TRIM21: variants seen among roughly 807,000 people sequenced by gnomAD.
TRIM21 encodes E3 ubiquitin-protein ligase TRIM21.
Under a neutral mutation model 36.1 loss-of-function variants are expected in TRIM21, and 35 were observed. That is an observed-to-expected ratio of 0.97 (90% CI 0.74 to 1.28). The LOEUF is 1.28. TRIM21 is among the 50% of genes most tolerant of loss of function. The pLI is 0.00. For synonymous variants in TRIM21, 256 were observed against 211.5 expected (o/e 1.21, Z -1.83); for missense variants, 635 against 570.7 (o/e 1.11, Z -1.15).
In TRIM21 at chr11:4,388,469, A is replaced by T; in HGVS notation, c.566T>A (p.Leu189Gln). The change falls in exon 4 of 7, where the codon CTG (leucine) becomes CAG (glutamine). Residue 189 changes from leucine (L) to glutamine (Q), a missense_variant. Coordinates refer to ENST00000254436, the MANE Select transcript of TRIM21 (RefSeq NM_003141.4). ...HAEFVQQKNF[L>Q]VEEEQRQLQE... Reference sequence around the variant, plus strand: ...CAGCTGCCTCTGTTCTTCTTCAACCAGGAAGTTTTTTTGCTGCACAAACTC... The same window carrying T: ...CAGCTGCCTCTGTTCTTCTTCAACCTGGAAGTTTTTTTGCTGCACAAACTC... The T allele has an allele frequency of 6.2e-7, 1 of 1,613,438 alleles. No individual in the cohort carries two copies. The highest frequency in any genetic ancestry group is 8.5e-7 in the Non-Finnish European group (1 of 1,179,886).
chr11:4,389,554 C>G, intron 3 of TRIM21, 100 bp downstream of exon 3: 2 of 1,016,254 alleles, frequency 2.0e-6, no homozygotes, highest in Non-Finnish European at 3.1e-6. Flanking sequence ...AACTCTATCA[C>G]TGCTCAGAGA....
chr11:4,385,845 T>G lies in TRIM21; in HGVS notation c.868A>C (p.Thr290Pro), dbSNP rs1590835542. ...KMLRTCAVHI[T>P]LDPDTANPWL... ...GGATTGGCTGTGTCTGGATCCAGAG[T>G]GATGTGGACTGCAGAGAGAGGACCA... The change falls in exon 7 of 7, where the codon ACT (threonine) becomes CCT (proline). Residue 290 changes from threonine (T) to proline (P), a missense_variant. Coordinates refer to ENST00000254436, the MANE Select transcript of TRIM21 (RefSeq NM_003141.4). 6.2e-7 allele frequency: 1 copy of G among 1,607,234 alleles called. No individual in the cohort carries two copies. The highest frequency in any genetic ancestry group is 8.5e-7 in the Non-Finnish European group (1 of 1,176,650).
rs771068060 is a variant in TRIM21 at position 4,390,275 on chromosome 11, T to A, written c.135A>T (p.Lys45Asn). Residue 45 changes from lysine to asparagine, a missense_variant, in exon 2 of 7, where the codon AAA becomes AAT. Coordinates refer to ENST00000254436, the MANE Select transcript of TRIM21 (RefSeq NM_003141.4). ...FCQECISQVGKGGGSVCPVCR... is the reference protein window; with the variant it reads ...FCQECISQVGNGGGSVCPVCR... ...ACACAGGACAGACGCTGCCCCCACC[T>A]TTCCCAACCTGAGAGATGCATTCCT... The A allele has an allele frequency of 6.2e-7, 1 of 1,613,986 alleles. No homozygotes were observed. The highest frequency in any genetic ancestry group is 1.1e-5 in the South Asian group (1 of 91,084).
chr11:4,387,136 C>G, intron 4 of TRIM21, 146 bp from the exon 5 acceptor site: 1 of 799,826 alleles, frequency 1.3e-6, no homozygotes, highest in South Asian at 1.8e-5. Context: ...ATGATTCTGA[C>G]CAGCTCAAAG....
chr11:4,386,365 C>T lies in TRIM21; in HGVS notation c.759-108G>A, dbSNP rs780689479. 68 of 935,584 alleles carry T rather than the reference C, an allele frequency of 7.3e-5. No homozygotes were observed. The South Asian group carries it at 9.4e-4, about 13-fold the overall frequency. The allele number at this position is 935,584 out of a possible 1,614,324, so 58.0% of individuals were successfully genotyped here. A position where few individuals can be genotyped will look rare whatever the true frequency, so the allele number is the denominator to read the frequency against. On this transcript the variant is annotated intron_variant, in intron 5 of 6. Transcript: ENST00000254436. ...GATAATTTAATTCAACTCAAATTTA[C>T]AAAGACCTCTGGTGTTCAAGTCTCC... is the stretch of plus-strand genomic sequence containing the variant.
chr11:4,389,757 G>C lies in TRIM21; in HGVS notation c.409-8C>G. On this transcript the variant is annotated splice_polypyrimidine_tract_variant and splice_region_variant and intron_variant, in intron 2 of 6. Transcript: ENST00000254436. ...TGCCACCTGGAGCTTCTCCTGCAGAGAAAGACAGCTTATTCGTCCCCCATG... is the reference window on the plus strand; with the variant it reads ...TGCCACCTGGAGCTTCTCCTGCAGACAAAGACAGCTTATTCGTCCCCCATG... 6.2e-7 allele frequency: 1 copy of C among 1,613,394 alleles called. No homozygotes were observed. The highest frequency in any genetic ancestry group is 8.5e-7 in the Non-Finnish European group (1 of 1,179,412).
intron 5 of TRIM21, 191 bp from the exon 6 acceptor site, chr11:4,386,448 G>C: frequency 1.6e-6 from 1 of 642,480 alleles, no homozygotes; most frequent in Non-Finnish European, 2.8e-6. Flanking sequence ...GGAGTTCCTG[G>C]TTATAGGAGG....
chr11:4,390,085 C>A lies in TRIM21; in HGVS notation c.325G>T (p.Ala109Ser). The change falls in exon 2 of 7, where the codon GCC becomes TCC. Residue 109 changes from alanine (A) to serine (S), a missense_variant. By Grantham distance (99) the Ala-to-Ser change is moderately conservative. Coordinates refer to ENST00000254436, the MANE Select transcript of TRIM21 (RefSeq NM_003141.4). ...GACTGGGCACATACCCAGCAAAGGG[C>A]CTTCCCATCTTTCTCACAGAACAGG... The part of the protein sequence containing the change: ...LHLFCEKDGK[A>S]LCWVCAQSRK... 1.9e-6 allele frequency: 3 copies of A among 1,614,012 alleles called. No homozygotes were observed. The highest frequency in any genetic ancestry group is 2.5e-6 in the Non-Finnish European group (3 of 1,179,892).
chr11:4,390,416 G>C lies in TRIM21; in HGVS notation c.-7C>G. On this transcript the variant is annotated 5_prime_UTR_variant, in exon 2 of 7. Transcript: ENST00000254436. ...AGCGTGCTGCTGAAGCCATTGTCAAGTGTGCCGTTAAACAGCAGTGTGGAG... is the reference window on the plus strand; with the variant it reads ...AGCGTGCTGCTGAAGCCATTGTCAACTGTGCCGTTAAACAGCAGTGTGGAG... The C allele has an allele frequency of 1.3e-6, 2 of 1,599,316 alleles. No homozygotes were observed. The highest frequency in any genetic ancestry group is 1.7e-6 in the Non-Finnish European group (2 of 1,169,054).
chr11:4,391,039 A>G (rs935280554), intron 1 of TRIM21, among the ~76,000 whole-genome samples: 10 of 152,358 alleles, frequency 6.6e-5, no homozygotes, highest in Middle Eastern at 3.4e-3. Context: ...CAAATATCCC[A>G]CAAGCACAGG....
intron 1 of TRIM21, among the ~76,000 whole-genome samples, chr11:4,392,003 G>C (rs1016252785): frequency 1.3e-5 from 2 of 152,060 alleles, no homozygotes; most frequent in Non-Finnish European, 2.9e-5. Flanking sequence ...GAGTGAATTA[G>C]ATCTAGTATT....
At chr11:4,387,066 G>T in intron 4 of TRIM21, 76 bp from the exon 5 acceptor site, 1 of 1,464,448 alleles carries the variant, frequency 6.8e-7, no homozygotes, top group South Asian at 1.2e-5. Context: ...TGGGTGATGT[G>T]ATCCATCTTT....
At chr11:4,388,652 C>T (rs749220121) in intron 3 of TRIM21, 122 bp from the exon 4 acceptor site, 54 of 866,290 alleles carry the variant, frequency 6.2e-5, no homozygotes, top group Admixed American at 4.4e-4. Flanking sequence ...TGGGAAAACA[C>T]ACACACATGC....
At chr11:4,390,495 A>G in intron 1 of TRIM21, 37 bp from the exon 2 acceptor site, 3 of 1,404,074 alleles carry the variant, frequency 2.1e-6, no homozygotes, top group Non-Finnish European at 2.9e-6. Context: ...AGAATATGAG[A>G]AAGTCTGTGT....
At position 4,389,989 on chromosome 11, in the gene TRIM21, T is replaced by C. The variant is rs759997643; in HGVS notation, c.408+13A>G. On this transcript the variant is annotated intron_variant, in intron 2 of 6. Coordinates refer to ENST00000254436, the MANE Select transcript of TRIM21 (RefSeq NM_003141.4). ...GAAAACGAAGCACTCACCAGGTGTCTCTTAGGCCTCACCTGGTACTCCTGT... is the reference window on the plus strand; with the variant it reads ...GAAAACGAAGCACTCACCAGGTGTCCCTTAGGCCTCACCTGGTACTCCTGT... The C allele has an allele frequency of 3.1e-6, 5 of 1,612,426 alleles. No homozygotes were observed. The highest frequency in any genetic ancestry group is 4.5e-5 in the East Asian group (2 of 44,846).
In TRIM21 at chr11:4,385,375, G is replaced by A; in HGVS notation, c.1338C>T (p.Phe446=). The A allele has an allele frequency of 6.2e-7, 1 of 1,613,896 alleles. No homozygotes were observed. Among genetic ancestry groups the A allele is most frequent in the South Asian group, 1.1e-5 (1 of 91,068 alleles). ...CAFTGPLRPF[F]SPGFNDGGKN... is the part of the protein sequence containing the mutation. Reference sequence around the variant, plus strand: ...TTCCTCCATCATTGAAACCAGGACTGAAGAAGGGCCGCAGAGGTCCTGTAA... The same window carrying A: ...TTCCTCCATCATTGAAACCAGGACTAAAGAAGGGCCGCAGAGGTCCTGTAA... Residue 446 remains phenylalanine, a synonymous_variant, in exon 7 of 7, where the codon TTC becomes TTT. Transcript: ENST00000254436.
rs75731514 is a variant in TRIM21, at chr11:4,389,476, G to C, written c.504+178C>G. ...TGATGGGGAGCTCCCCTTTGAACCT[G>C]CATCATTTTTATTCCCCTCTATTTG... On this transcript the variant is annotated intron_variant, in intron 3 of 6. Transcript: ENST00000254436. Among the ~76,000 whole-genome samples the C allele has an allele frequency of 6.2e-3, 949 of 152,230 alleles. 7 individuals carry two copies. The highest frequency in any genetic ancestry group is 0.011 in the Non-Finnish European group (738 of 68,004).
chr11:4,389,852 G>A, intron 2 of TRIM21, 103 bp from the exon 3 acceptor site: 1 of 1,490,040 alleles, frequency 6.7e-7, no homozygotes, highest in Non-Finnish European at 9.3e-7. Context: ...CCTGGGGAAT[G>A]AGGTTGGGTT....
In TRIM21 at chr11:4,385,114, T is replaced by C; in HGVS notation, c.*171A>G. 1.6e-6 allele frequency: 1 copy of C among 614,624 alleles called. No individual in the cohort carries two copies. The highest frequency in any genetic ancestry group is 2.4e-5 in the South Asian group (1 of 40,964). 38.1% of individuals were successfully genotyped at this position (614,624 alleles called of 1,614,324 possible). On this transcript the variant is annotated 3_prime_UTR_variant, in exon 7 of 7. Transcript: ENST00000254436. ...TTCACTGGAGGGAATCACAAAGCCA[T>C]CTGGGGCAGGAATGTTGATGGTGAA...
Sources: gnomAD v4.1 joint callset for allele counts (sites outside exome capture counted in the v4.1 genomes callset) on GRCh38, gnomAD v4.1.1 for gene constraint, MANE v1.5 for transcripts, NCBI Gene and HGNC (gene_info 2026-07-23, HGNC 2026-07-21) for gene names.